The following DLG2 variants were observed in gnomAD, a reference collection of about 807,000 sequenced individuals.
DLG2 encodes the protein discs large MAGUK scaffold protein 2.
Under a neutral mutation model 132.5 loss-of-function variants are expected in DLG2, and 45 were observed. The ratio of observed to expected loss-of-function variants is 0.34; its 90% confidence interval spans 0.27 to 0.44. The LOEUF (loss-of-function observed/expected upper bound fraction) is 0.44. Ranked by LOEUF, DLG2 falls within the 20% of genes least tolerant of loss-of-function variation. The pLI, the probability that DLG2 is intolerant of heterozygous loss-of-function variation, is 1.00. For missense variants in DLG2, 1,045 were observed against 1,196.9 expected (o/e 0.87, Z 1.87); for synonymous variants, 424 against 419.6 (o/e 1.01, Z -0.13).
At chr11:85,062,928 C>T (rs1211254976) in intron 6 of DLG2, among the ~76,000 whole-genome samples, 1 of 151,780 alleles carries the variant, frequency 6.6e-6, no homozygotes, top group Non-Finnish European at 1.5e-5. Flanking sequence ...TAAAATGCCT[C>T]TGCCAGCAGA....
At chr11:85,022,354 TCA>T (rs1237191991) in intron 6 of DLG2, among the ~76,000 whole-genome samples, 1 of 152,024 alleles carries the variant, frequency 6.6e-6, no homozygotes, top group Non-Finnish European at 1.5e-5. Context: ...GATAAACTTC[TCA>T]CAGATCTAAT....
At chr11:84,328,256 A>T (rs1027182035) in intron 7 of DLG2, among the ~76,000 whole-genome samples, 28 of 152,058 alleles carry the variant, frequency 1.8e-4, no homozygotes, top group African/African-American at 6.8e-4. Flanking sequence ...GTGAAGAGGA[A>T]AAAAAGGAGG....
chr11:85,499,576 T>C (rs958243735), intron 3 of DLG2, among the ~76,000 whole-genome samples: 1 of 151,802 alleles, frequency 6.6e-6, no homozygotes, highest in African/African-American at 2.4e-5. Flanking sequence ...AAAGAGGGAA[T>C]CCTCCCTAAC....
intron 6 of DLG2, among the ~76,000 whole-genome samples, chr11:84,743,618 A>G (rs2064974490): frequency 6.6e-6 from 1 of 152,208 alleles, no homozygotes; most frequent in Non-Finnish European, 1.5e-5. Context: ...AAAAGAGTTG[A>G]CAGTTAATAT....
chr11:84,244,376 G>A (rs1321823763), intron 8 of DLG2, among the ~76,000 whole-genome samples: 2 of 152,120 alleles, frequency 1.3e-5, no homozygotes, highest in Non-Finnish European at 2.9e-5. Flanking sequence ...AGTAGAGACA[G>A]GGTTTCAGCA....
intron 6 of DLG2, among the ~76,000 whole-genome samples, chr11:84,587,142 G>C (rs2099531765): frequency 6.6e-6 from 1 of 152,200 alleles, no homozygotes; most frequent in Admixed American, 6.5e-5. Flanking sequence ...TGTGCAATTT[G>C]AGAGGAAAAA....
chr11:84,137,694 G>T (rs1017776688), intron 9 of DLG2, among the ~76,000 whole-genome samples: 5 of 152,064 alleles, frequency 3.3e-5, no homozygotes, highest in African/African-American at 2.4e-5. Flanking sequence ...GGTTCAGTCT[G>T]CATGTGGCTA....
At chr11:84,780,445 A>G (rs1348654735) in intron 6 of DLG2, among the ~76,000 whole-genome samples, 1 of 152,158 alleles carries the variant, frequency 6.6e-6, no homozygotes, top group East Asian at 1.9e-4. Context: ...AAAAGTTGAA[A>G]ACATTTCCTG....
chr11:83,622,050 G>C (rs2061713068), intron 19 of DLG2, among the ~76,000 whole-genome samples: 8 of 152,158 alleles, frequency 5.3e-5, no homozygotes, highest in Admixed American at 5.2e-4. Context: ...GAGTAGCTGG[G>C]ATTACAGGTG....
At position 85,136,714 on chromosome 11, in the gene DLG2, T is replaced by C. The variant is rs541694912; in HGVS notation, c.282+17842A>G. ...CCTGTACCTTAACCACTTAAATCCA[T>C]TATTACTTTTATTTTGTTTGTTTCC... On this transcript the variant is annotated intron_variant, in intron 5 of 27. Transcript: ENST00000376104. Among the ~76,000 whole-genome samples, 3 of 151,940 alleles carry C rather than the reference T, an allele frequency of 2.0e-5. No homozygotes were observed. In the South Asian group the frequency reaches 6.2e-4, roughly 32 times the overall value.
chr11:85,492,918 A>T (rs75391149), intron 3 of DLG2, among the ~76,000 whole-genome samples: 1 of 152,142 alleles, frequency 6.6e-6, no homozygotes, highest in South Asian at 2.1e-4. Context: ...ATTAAAAGTC[A>T]CAACATCAGA....
At chr11:84,844,440 C>G (rs1229882689) in intron 6 of DLG2, among the ~76,000 whole-genome samples, 3 of 151,794 alleles carry the variant, frequency 2.0e-5, no homozygotes, top group Non-Finnish European at 4.4e-5. Flanking sequence ...TCCACAATTT[C>G]TCTTCATCCC....
intron 19 of DLG2, among the ~76,000 whole-genome samples, chr11:83,573,353 G>A (rs776825170): frequency 1.3e-4 from 20 of 152,134 alleles, no homozygotes; most frequent in Non-Finnish European, 2.4e-4. Flanking sequence ...TATAAGAGAT[G>A]TGGCTATAAG....
intron 3 of DLG2, among the ~76,000 whole-genome samples, chr11:85,332,631 T>C (rs1182772156): frequency 6.6e-6 from 1 of 152,222 alleles, no homozygotes; most frequent in African/African-American, 2.4e-5. Flanking sequence ...TTCATTCTTG[T>C]ATATGGTGAA....
At chr11:85,052,743 C>G (rs984354351) in intron 6 of DLG2, among the ~76,000 whole-genome samples, 3 of 152,154 alleles carry the variant, frequency 2.0e-5, no homozygotes, top group Non-Finnish European at 4.4e-5. Flanking sequence ...AATATGCAAG[C>G]CTTCCCGTTA....
chr11:85,503,353 T>A (rs1272818595), intron 3 of DLG2, among the ~76,000 whole-genome samples: 1 of 152,110 alleles, frequency 6.6e-6, no homozygotes, highest in Non-Finnish European at 1.5e-5. Context: ...ACTTCTCAAC[T>A]CTTTGATCTG....
chr11:84,026,256 G>A (rs750717994), intron 11 of DLG2, among the ~76,000 whole-genome samples: 1 of 152,036 alleles, frequency 6.6e-6, no homozygotes, highest in Non-Finnish European at 1.5e-5. Context: ...CCACTGAAGT[G>A]ACACAAATAC....
intron 3 of DLG2, among the ~76,000 whole-genome samples, chr11:85,380,817 T>C (rs1351013084): frequency 6.6e-6 from 1 of 152,202 alleles, no homozygotes; most frequent in Non-Finnish European, 1.5e-5. Context: ...ACAACACTTA[T>C]AGGAGTCCAG....
At chr11:85,382,164 A>G (rs2085947017) in intron 3 of DLG2, among the ~76,000 whole-genome samples, 1 of 152,132 alleles carries the variant, frequency 6.6e-6, no homozygotes, top group Admixed American at 6.6e-5. Context: ...TACTGACATA[A>G]TAAAAGTCAC....
Sources: gnomAD v4.1 joint callset for allele counts (sites outside exome capture counted in the v4.1 genomes callset) on GRCh38, gnomAD v4.1.1 for gene constraint, MANE v1.5 for transcripts, NCBI Gene and HGNC (gene_info 2026-07-23, HGNC 2026-07-21) for gene names.